The following IQSEC3 variants were observed in gnomAD, a reference collection of about 807,000 sequenced individuals.
The protein encoded by IQSEC3 is IQ motif and SEC7 domain-containing protein 3.
IQSEC3 carries 50 observed loss-of-function variants against 105.4 expected under a neutral mutation model. That is an observed-to-expected ratio of 0.47 (90% confidence interval 0.38 to 0.60). The LOEUF (loss-of-function observed/expected upper bound fraction) is 0.60. IQSEC3 is among the 20% of genes least tolerant of loss of function. IQSEC3 has a pLI of 0.00. For synonymous variants in IQSEC3, 708 were observed against 746.0 expected, an observed-to-expected ratio of 0.95 and a Z score of 0.83; for missense variants, 1,415 against 1,630.0, an observed-to-expected ratio of 0.87 and a Z score of 2.27.
chr12:125,855 C>G lies in IQSEC3; in HGVS notation c.846C>G (p.Cys282Trp). 1 of 1,533,442 alleles carries G rather than the reference C, an allele frequency of 6.5e-7. No individual in the cohort carries two copies. The highest frequency in any genetic ancestry group is 8.7e-7 in the Non-Finnish European group (1 of 1,146,258). The allele number at this position is 1,533,442 out of a possible 1,614,324, so 95.0% of individuals were successfully genotyped here. The change falls in exon 3 of 14, where the codon TGC becomes TGG. Residue 282 changes from cysteine to tryptophan, a missense_variant. Transcript: ENST00000538872. ...RQQPALATAL[C>W]PHAPAASDYE... ...AGCCTGCCCTGGCGACGGCGCTGTGCCCCCACGCCCCTGCCGCCTCCGATT... is the reference window on the plus strand; with the variant it reads ...AGCCTGCCCTGGCGACGGCGCTGTGGCCCCACGCCCCTGCCGCCTCCGATT...
intron 1 of IQSEC3, among the ~76,000 whole-genome samples, chr12:74,650 CGTGCTCT>C (rs1863450069): frequency 6.6e-6 from 1 of 152,278 alleles, no homozygotes. Context: ...AGAAGGGCCC[CGTGCTCT>C]GTGCTGGCAT....
intron 7 of IQSEC3, among the ~76,000 whole-genome samples, chr12:159,950 C>A (rs893593823): frequency 5.3e-5 from 8 of 152,148 alleles, no homozygotes; most frequent in Admixed American, 5.2e-4. Flanking sequence ...TGGAAAGTGT[C>A]CCTCAGTGCC....
intron 7 of IQSEC3, among the ~76,000 whole-genome samples, chr12:159,857 A>G (rs144639969): frequency 4.5e-4 from 69 of 152,248 alleles, no homozygotes; most frequent in African/African-American, 1.6e-3. Context: ...AACTCCTGCT[A>G]TTCTGTTGGT....
At chr12:140,440 A>T (rs1865970689) in intron 4 of IQSEC3, 1 of 152,028 alleles carries the variant, frequency 6.6e-6, no homozygotes, top group African/African-American at 2.4e-5. Flanking sequence ...GCACATGAAA[A>T]CTCATACAGA....
chr12:113,504 C>T (rs782594576), intron 2 of IQSEC3, among the ~76,000 whole-genome samples: 2 of 152,246 alleles, frequency 1.3e-5, no homozygotes, highest in Non-Finnish European at 2.9e-5. Context: ...ACCTTGCTCA[C>T]TCCCCAGGTG....
At chr12:140,071 A>G (rs1865954933) in intron 4 of IQSEC3, among the ~76,000 whole-genome samples, 1 of 152,132 alleles carries the variant, frequency 6.6e-6, no homozygotes, top group African/African-American at 2.4e-5. Flanking sequence ...TCGCCCCTTC[A>G]TAACCCTGCG....
In IQSEC3 at chr12:139,122, G is replaced by C; in HGVS notation, c.1759G>C (p.Ala587Pro). 1 of 1,514,226 alleles carries C rather than the reference G, an allele frequency of 6.6e-7. No individual in the cohort carries two copies. The highest frequency in any genetic ancestry group is 2.1e-5 in the Admixed American group (1 of 48,338). The allele number at this position is 1,514,226 out of a possible 1,614,324, so 93.8% of individuals were successfully genotyped here. A position where few individuals can be genotyped will look rare whatever the true frequency, so the allele number is the denominator to read the frequency against. ...GGAGACGGCGGAGGTGGGGAGAGGGGCCGAGGCCGAGGCAGGCGACTTGGA... is the reference window on the plus strand; with the variant it reads ...GGAGACGGCGGAGGTGGGGAGAGGGCCCGAGGCCGAGGCAGGCGACTTGGA... ...EEETAEVGRG[A>P]EAEAGDLEQL... is the part of the protein sequence containing the mutation. Residue 587 changes from alanine to proline, a missense_variant, in exon 4 of 14, where the codon GCC (alanine) becomes CCC (proline). This residue lies in a region of IQSEC3 where 720 missense variants were observed against 633.0 expected (regional missense o/e 1.14). Coordinates refer to ENST00000538872, the MANE Select transcript of IQSEC3 (RefSeq NM_001170738.2).
At chr12:79,045 C>G (rs1049044148) in intron 1 of IQSEC3, among the ~76,000 whole-genome samples, 5 of 152,204 alleles carry the variant, frequency 3.3e-5, no homozygotes, top group African/African-American at 1.2e-4. Flanking sequence ...TCCACTGACA[C>G]CCCTCCGCCA....
At position 175,177 on chromosome 12, in the gene IQSEC3, A is replaced by G; in HGVS notation, c.*144A>G. On this transcript the variant is annotated 3_prime_UTR_variant, in exon 14 of 14. Transcript: ENST00000538872. ...TGGGAAGAGAATCCCAATCCCTGGCACCTGGGTTTGCCTCATCCAACCATC... is the reference window on the plus strand; with the variant it reads ...TGGGAAGAGAATCCCAATCCCTGGCGCCTGGGTTTGCCTCATCCAACCATC... 1 of 692,218 alleles carries G rather than the reference A, an allele frequency of 1.4e-6. No individual in the cohort carries two copies. The highest frequency in any genetic ancestry group is 2.3e-6 in the Non-Finnish European group (1 of 432,162). 42.9% of individuals were successfully genotyped at this position (692,218 alleles called of 1,614,324 possible).
intron 3 of IQSEC3, among the ~76,000 whole-genome samples, chr12:137,824 A>C: frequency 6.7e-6 from 1 of 148,736 alleles, no homozygotes; most frequent in East Asian, 1.9e-4. Context: ...ACACCCAGTT[A>C]ATTTTTTTTT....
In IQSEC3 at chr12:175,378, CTGTT is replaced by C. The variant is rs1197514720; in HGVS notation, c.*346_*349del. 1 of 263,670 alleles carries C rather than the reference CTGTT, an allele frequency of 3.8e-6. No homozygotes were observed. Among genetic ancestry groups the C allele is most frequent in the East Asian group, 7.3e-5 (1 of 13,744 alleles). 16.3% of individuals were successfully genotyped at this position (263,670 alleles called of 1,614,324 possible). ...TCTAACGAGCTTGCAGGCTTTGAGT[CTGTT>C]AGTGCCCGGGGCCTCGGGCCTTGGG... On this transcript the variant is annotated 3_prime_UTR_variant, in exon 14 of 14. Coordinates refer to ENST00000538872, the MANE Select transcript of IQSEC3 (RefSeq NM_001170738.2).
At position 161,945 on chromosome 12, in the gene IQSEC3, C is replaced by T. The variant is rs782729669; in HGVS notation, c.2463C>T (p.Asp821=). Residue 821 remains aspartate, a synonymous_variant, in exon 8 of 14, where the codon GAC becomes GAT. Coordinates refer to ENST00000538872, the MANE Select transcript of IQSEC3 (RefSeq NM_001170738.2). ...TGTTAGGTGTGGACGATGGCGCTGA[C>T]ATCCCCAGGGAGCTGGTGGTAGGCA... is the stretch of plus-strand genomic sequence containing the variant. ...RNLRGVDDGA[D]IPRELVVGIY... The T allele has an allele frequency of 2.5e-6, 4 of 1,610,676 alleles. No individual in the cohort carries two copies. Among genetic ancestry groups the T allele is most frequent in the Non-Finnish European group, 3.4e-6 (4 of 1,178,464 alleles).
At chr12:133,106 A>G (rs1453983196) in intron 3 of IQSEC3, among the ~76,000 whole-genome samples, 1 of 152,156 alleles carries the variant, frequency 6.6e-6, no homozygotes, top group African/African-American at 2.4e-5. Context: ...CTGGGTCCTC[A>G]GAGGGAAGGC....
At chr12:155,835 G>T (rs1351114996) in intron 5 of IQSEC3, among the ~76,000 whole-genome samples, 2 of 152,208 alleles carry the variant, frequency 1.3e-5, no homozygotes, top group African/African-American at 4.8e-5. Context: ...CAGTGCAGGG[G>T]CTGTGCCATA....
chr12:135,441 A>G (rs1365388647), intron 3 of IQSEC3, among the ~76,000 whole-genome samples: 1 of 152,238 alleles, frequency 6.6e-6, no homozygotes, highest in Non-Finnish European at 1.5e-5. Context: ...GTAAAGATCA[A>G]GTGGGGAAGT....
chr12:162,928 G>A (rs1177257694), intron 8 of IQSEC3, among the ~76,000 whole-genome samples: 1 of 152,086 alleles, frequency 6.6e-6, no homozygotes, highest in Non-Finnish European at 1.5e-5. Flanking sequence ...TGGCTGGACT[G>A]GAACAGCCTG....
intron 5 of IQSEC3, chr12:148,592 T>C (rs572083378): frequency 6.6e-6 from 1 of 152,368 alleles, no homozygotes; most frequent in African/African-American, 2.4e-5. Flanking sequence ...CCTTCTCTTC[T>C]ATTTTCTTAG....
In IQSEC3 at chr12:138,908, G is replaced by T. The variant is rs138206814; in HGVS notation, c.1545G>T (p.Thr515=). 8.0e-5 allele frequency: 128 copies of T among 1,606,464 alleles called. No individual in the cohort carries two copies. The African/African-American group carries it at 1.6e-3, about 20-fold the overall frequency. Residue 515 remains threonine (T), a synonymous_variant, in exon 4 of 14, where the codon ACG becomes ACT. Coordinates refer to ENST00000538872, the MANE Select transcript of IQSEC3 (RefSeq NM_001170738.2). This position sits in a 1 kb window ranked among gnomAD's most constrained non-coding sequence, Gnocchi z 7.1. ...TGGCCAACTGCCTGGGCGCTCAGACGGTCCAGGCCCCCGCAGAGCCCGCGG... is the reference window on the plus strand; with the variant it reads ...TGGCCAACTGCCTGGGCGCTCAGACTGTCCAGGCCCCCGCAGAGCCCGCGG... ...LSVANCLGAQ[T]VQAPAEPAAG... is the part of the protein sequence containing the mutation.
At chr12:168,258 G>A (rs544210849) in intron 11 of IQSEC3, among the ~76,000 whole-genome samples, 1 of 152,350 alleles carries the variant, frequency 6.6e-6, no homozygotes, top group Admixed American at 6.5e-5. Flanking sequence ...CCAATCCAGT[G>A]AGAGGAATTA....
Sources: allele counts gnomAD v4.1 joint callset (sites outside exome capture counted in the v4.1 genomes callset), GRCh38; gene constraint gnomAD v4.1.1; regional missense constraint gnomAD v4.1.1; non-coding constraint Gnocchi (gnomAD v3.1); transcripts MANE v1.5; gene names NCBI Gene and HGNC (gene_info 2026-07-23, HGNC 2026-07-21).